SKIL: variants seen among roughly 807,000 people sequenced by gnomAD.
SKIL encodes ski-like protein.
A neutral mutation model predicts 69.6 loss-of-function variants in SKIL; 20 were observed. That is an observed-to-expected ratio of 0.29 (90% CI 0.20 to 0.42). The LOEUF is 0.42. Ranked by LOEUF, SKIL falls within the 10% of genes least tolerant of loss-of-function variation. SKIL has a pLI of 1.00. For missense variants in SKIL, 745 were observed against 783.1 expected, an observed-to-expected ratio of 0.95 and a Z score of 0.58; for synonymous variants, 310 against 279.9, an observed-to-expected ratio of 1.11 and a Z score of -1.08.
intron 2 of SKIL, among the ~76,000 whole-genome samples, chr3:170,378,090 A>G (rs1230912347): frequency 6.6e-6 from 1 of 151,142 alleles, no homozygotes. Flanking sequence ...ACAGGGTTTC[A>G]CTATATTGGC....
rs764334935 is a variant in SKIL at position 170,360,932 on chromosome 3, C to T, written c.601C>T (p.Gln201Ter). 6.2e-7 allele frequency: 1 copy of T among 1,614,112 alleles called. No individual in the cohort carries two copies. The highest frequency in any genetic ancestry group is 8.5e-7 in the Non-Finnish European group (1 of 1,180,032). ...YIYCSRCTSD[Q>*]LHILKVLGIL... ...ATATTGTTCAAGGTGTACTTCAGAC[C>T]AGCTTCATATCTTAAAGGTACTGGG... Residue 201 changes from glutamine (Q) to a stop codon, truncating the protein, a stop_gained, in exon 2 of 7, where the codon CAG (glutamine) becomes TAG (stop). Coordinates refer to ENST00000259119, the MANE Select transcript of SKIL (RefSeq NM_005414.5). LOFTEE classifies it high-confidence loss of function.
chr3:170,365,653 C>T (rs1736462645), intron 2 of SKIL, among the ~76,000 whole-genome samples: 1 of 151,700 alleles, frequency 6.6e-6, no homozygotes. Context: ...TAGTCCTTGA[C>T]TGAGGAACAG....
At position 170,388,630 on chromosome 3, in the gene SKIL, G is replaced by A. The variant is rs180755555; in HGVS notation, c.1430-1593G>A. ...GTATTTTTGGTGGAGTTGGGGTTTT[G>A]CCATGTTGAGGCTGGTCTCAAACTC... On this transcript the variant is annotated intron_variant, in intron 4 of 6. Transcript: ENST00000259119. Among the ~76,000 whole-genome samples the A allele has an allele frequency of 2.1e-3, 317 of 151,912 alleles. 2 individuals are homozygous for A. Among genetic ancestry groups the A allele is most frequent in the African/African-American group, 7.3e-3 (303 of 41,450 alleles).
At chr3:170,379,410 G>T (rs1477528257) in intron 2 of SKIL, among the ~76,000 whole-genome samples, 1 of 151,796 alleles carries the variant, frequency 6.6e-6, no homozygotes, top group African/African-American at 2.4e-5. Context: ...ATTTTTGTTG[G>T]TCACCTTAAC....
At position 170,360,587 on chromosome 3, in the gene SKIL, T is replaced by G. The variant is rs375632150; in HGVS notation, c.256T>G (p.Leu86Val). The change falls in exon 2 of 7, where the codon TTG (leucine) becomes GTG (valine). Residue 86 changes from leucine (L) to valine (V), a missense_variant. Transcript: ENST00000259119. ...VPETLHLNPS[L>V]KHTLAQFHLS... Reference sequence around the variant, plus strand: ...TGAAACTTTGCATTTAAATCCCAGTTTGAAACACACATTGGCACAATTCCA... The same window carrying G: ...TGAAACTTTGCATTTAAATCCCAGTGTGAAACACACATTGGCACAATTCCA... 3 of 1,614,132 alleles carry G rather than the reference T, an allele frequency of 1.9e-6. No individual in the cohort carries two copies. The African/African-American group carries it at 4.0e-5, about 22-fold the overall frequency.
intron 4 of SKIL, among the ~76,000 whole-genome samples, chr3:170,389,661 A>G (rs546569374): frequency 8.5e-5 from 13 of 152,288 alleles, no homozygotes; most frequent in African/African-American, 3.1e-4. Context: ...ACCTTTGTCA[A>G]CAACAATTGC....
In SKIL at chr3:170,395,782, T is replaced by C. The variant is rs965950200; in HGVS notation, c.*3365T>C. 1.6e-4 allele frequency: 24 copies of C among 152,072 alleles called. No individual in the cohort carries two copies. The highest frequency in any genetic ancestry group is 5.8e-4 in the African/African-American group (24 of 41,446). 9.4% of individuals were successfully genotyped at this position (152,072 alleles called of 1,614,324 possible). A position where few individuals can be genotyped will look rare whatever the true frequency, so the allele number is the denominator to read the frequency against. On this transcript the variant is annotated 3_prime_UTR_variant, in exon 7 of 7. Coordinates refer to ENST00000259119, the MANE Select transcript of SKIL (RefSeq NM_005414.5). ...CATGATAGGACATTAAAAATTAATA[T>C]AAAGAAAAATCGTGCTCATACTGTA... is the stretch of plus-strand genomic sequence containing the variant.
Position 170,396,187 on chromosome 3 carries a change from GTAT to G in SKIL, c.*3773_*3775del, listed in dbSNP as rs1186329285. ...AATTCAGCCCAGAAAACAAAATAGT[GTAT>G]TAAATTAGTTTAATGTAAAAGGAAT... On this transcript the variant is annotated 3_prime_UTR_variant, in exon 7 of 7. Transcript: ENST00000259119. 4 of 151,866 alleles carry G rather than the reference GTAT, an allele frequency of 2.6e-5. No individual in the cohort carries two copies. The highest frequency in any genetic ancestry group is 9.7e-5 in the African/African-American group (4 of 41,398). 9.4% of individuals were successfully genotyped at this position (151,866 alleles called of 1,614,324 possible). A position where few individuals can be genotyped will look rare whatever the true frequency, so the allele number is the denominator to read the frequency against.
At position 170,376,533 on chromosome 3, in the gene SKIL, G is replaced by A. The variant is rs73163817; in HGVS notation, c.1099-4711G>A. The stretch of plus-strand genomic sequence containing the variant: ...ATGTCTGAAAAAGTTTTGAATCTAA[G>A]TGGTATACAGAACATAATTTAGCTA... On this transcript the variant is annotated intron_variant, in intron 2 of 6. Coordinates refer to ENST00000259119, the MANE Select transcript of SKIL (RefSeq NM_005414.5). Among the ~76,000 whole-genome samples the A allele has an allele frequency of 7.6e-3, 1,160 of 152,202 alleles. 8 individuals are homozygous for A. The highest frequency in any genetic ancestry group is 0.012 in the Non-Finnish European group (788 of 67,998).
chr3:170,364,678 A>G (rs1007001092), intron 2 of SKIL, among the ~76,000 whole-genome samples: 1 of 152,048 alleles, frequency 6.6e-6, no homozygotes, highest in African/African-American at 2.4e-5. Flanking sequence ...TACTTTTCCT[A>G]ATATTCTTGC....
intron 6 of SKIL, 39 bp downstream of exon 6, chr3:170,391,299 T>C: frequency 8.7e-7 from 1 of 1,150,596 alleles, no homozygotes; most frequent in South Asian, 1.4e-5. Context: ...CCTTTCAGCA[T>C]GGAAATGGAA....
In SKIL at chr3:170,361,339, A is replaced by G; in HGVS notation, c.1008A>G (p.Leu336=). ...HCYLHVNQKY[L]GTPEEKKLKI... ...ATCTTCATGTGAACCAAAAATACTT[A>G]GGAACACCTGAAGAAAAGAAACTGA... is the stretch of plus-strand genomic sequence containing the variant. The change falls in exon 2 of 7, where the codon TTA becomes TTG. Residue 336 remains leucine, a synonymous_variant. Transcript: ENST00000259119. 1 of 1,613,072 alleles carries G rather than the reference A, an allele frequency of 6.2e-7. No individual in the cohort carries two copies. The highest frequency in any genetic ancestry group is 8.5e-7 in the Non-Finnish European group (1 of 1,179,708).
At chr3:170,374,824 A>C (rs1319060677) in intron 2 of SKIL, among the ~76,000 whole-genome samples, 1 of 152,166 alleles carries the variant, frequency 6.6e-6, no homozygotes, top group Non-Finnish European at 1.5e-5. Context: ...TGTCCCCATC[A>C]TTTGTATTGT....
intron 6 of SKIL, 148 bp downstream of exon 6, chr3:170,391,408 C>T: frequency 1.7e-6 from 1 of 581,444 alleles, no homozygotes; most frequent in Non-Finnish European, 3.1e-6. Context: ...ACCTCTGCCT[C>T]CCGGGTTCAA....
At position 170,370,900 on chromosome 3, in the gene SKIL, G is replaced by A. The variant is rs1332587209; in HGVS notation, c.1098+9471G>A. Among the ~76,000 whole-genome samples the A allele has an allele frequency of 2.0e-5, 3 of 151,916 alleles. No individual in the cohort carries two copies. The East Asian group carries it at 5.8e-4, about 29-fold the overall frequency. On this transcript the variant is annotated intron_variant, in intron 2 of 6. Coordinates refer to ENST00000259119, the MANE Select transcript of SKIL (RefSeq NM_005414.5). ...GTTGAGACCGCAGTGAGCTGTGATG[G>A]CACCTCTGCACTCCAAGCTTGGGCA...
chr3:170,387,770 A>AAAAAAAAAAC (rs1303642949), intron 4 of SKIL, among the ~76,000 whole-genome samples: 2 of 134,436 alleles, frequency 1.5e-5, no homozygotes, highest in Non-Finnish European at 3.3e-5. Flanking sequence ...AAAAAAAAAA[A>AAAAAAAAAAC]AAAATACAAA....
At chr3:170,358,047 C>T (rs1560202157) in intron 1 of SKIL, among the ~76,000 whole-genome samples, 1 of 152,014 alleles carries the variant, frequency 6.6e-6, no homozygotes, top group Non-Finnish European at 1.5e-5. Flanking sequence ...ACGGGAGCCG[C>T]GGGGACCCCG....
At chr3:170,379,508 A>G (rs965813962) in intron 2 of SKIL, among the ~76,000 whole-genome samples, 6 of 152,076 alleles carry the variant, frequency 3.9e-5, no homozygotes, top group African/African-American at 1.4e-4. Flanking sequence ...TTTTCCCACA[A>G]AAGCAAGGTA....
At chr3:170,383,788 C>T (rs2108217603) in intron 3 of SKIL, among the ~76,000 whole-genome samples, 2 of 152,204 alleles carry the variant, frequency 1.3e-5, no homozygotes, top group Admixed American at 1.3e-4. Context: ...AGGACATAGC[C>T]TTGCAGTCTG....
Sources: gnomAD v4.1 joint callset for allele counts (sites outside exome capture counted in the v4.1 genomes callset) on GRCh38, gnomAD v4.1.1 for gene constraint, MANE v1.5 for transcripts, NCBI Gene and HGNC (gene_info 2026-07-23, HGNC 2026-07-21) for gene names.